Variants in PGBD2 observed in about 807,000 individuals in gnomAD.
PGBD2 encodes the protein piggyBac transposable element-derived protein 2.
A neutral mutation model predicts 8.1 loss-of-function variants in PGBD2; 6 were observed. The ratio of observed to expected loss-of-function variants is 0.74; its 90% confidence interval spans 0.40 to 1.46. The LOEUF is 1.46. PGBD2 is among the 40% of genes most tolerant of loss of function. The probability of loss-of-function intolerance (pLI) is 0.02; values close to 1 mark genes in which losing one functional copy is unlikely to be tolerated. For missense variants in PGBD2, 802 were observed against 739.0 expected, an observed-to-expected ratio of 1.09 and a Z score of -0.99; for synonymous variants, 318 against 272.2, an observed-to-expected ratio of 1.17 and a Z score of -1.66.
chr1:248,906,898 C>T (rs561433254), intron 1 of PGBD2, among the ~76,000 whole-genome samples: 1 of 152,250 alleles, frequency 6.6e-6, no homozygotes, highest in East Asian at 1.9e-4. Context: ...CCACAAAAGC[C>T]ATTCTGAGCT....
chr1:248,874,943 T>TAGGC, the PGBD2 span, among the ~76,000 whole-genome samples: 1,489 of 150,636 alleles, frequency 9.9e-3, 22 homozygotes, highest in African/African-American at 0.034. Flanking sequence ...GATAGATAGA[T>TAGGC]AGATAGATAG....
chr1:248,883,416 C>G, the PGBD2 span, among the ~76,000 whole-genome samples: 835 of 152,032 alleles, frequency 5.5e-3, 4 homozygotes, highest in African/African-American at 0.019. Flanking sequence ...GCCACTGCAC[C>G]CGGTCCTTTG....
chr1:248,909,225 A>T (rs761829398), intron 1 of PGBD2, among the ~76,000 whole-genome samples: 4 of 152,018 alleles, frequency 2.6e-5, no homozygotes, highest in Admixed American at 6.6e-5. Context: ...ATGTGAGGGG[A>T]TGGAGGGCCT....
At chr1:248,891,234 G>C in the PGBD2 span, among the ~76,000 whole-genome samples, 1 of 152,186 alleles carries the variant, frequency 6.6e-6, no homozygotes, top group Non-Finnish European at 1.5e-5. Flanking sequence ...GTTCTCTCAA[G>C]GTGGGGCAGC....
the PGBD2 span, among the ~76,000 whole-genome samples, chr1:248,894,464 G>T: frequency 2.0e-5 from 3 of 152,072 alleles, no homozygotes; most frequent in African/African-American, 7.2e-5. Flanking sequence ...ACAAGACTCC[G>T]ATTACATGCT....
At chr1:248,887,101 A>G in the PGBD2 span, among the ~76,000 whole-genome samples, 1 of 151,550 alleles carries the variant, frequency 6.6e-6, no homozygotes, top group African/African-American at 2.4e-5. Flanking sequence ...ACTTATAGAA[A>G]AGTTACAAAA....
the PGBD2 span, among the ~76,000 whole-genome samples, chr1:248,891,128 A>G: frequency 6.6e-6 from 1 of 152,242 alleles, no homozygotes; most frequent in Non-Finnish European, 1.5e-5. Flanking sequence ...AAGTTATGCA[A>G]ACAAAATGTG....
At chr1:248,898,440 C>T in the PGBD2 span, among the ~76,000 whole-genome samples, 1 of 152,324 alleles carries the variant, frequency 6.6e-6, no homozygotes, top group Non-Finnish European at 1.5e-5. Flanking sequence ...AGGCGTGAGC[C>T]ACCGCACCTG....
At chr1:248,911,495 GAA>G (rs1421731128) in intron 1 of PGBD2, among the ~76,000 whole-genome samples, 3 of 147,298 alleles carry the variant, frequency 2.0e-5, no homozygotes, top group Non-Finnish European at 4.4e-5. Context: ...AGAACAAAAC[GAA>G]AAGTCTCCCA....
chr1:248,879,639 A>G, the PGBD2 span, among the ~76,000 whole-genome samples: 28 of 152,122 alleles, frequency 1.8e-4, no homozygotes, highest in Admixed American at 1.6e-3. Context: ...TGCTTAAGCA[A>G]TCTTCTCACT....
chr1:248,923,957 C>A (rs1262482757), downstream of PGBD2, among the ~76,000 whole-genome samples: 1 of 152,172 alleles, frequency 6.6e-6, no homozygotes, highest in Non-Finnish European at 1.5e-5. Context: ...GATGCAGCCC[C>A]CACTGGACAG....
chr1:248,874,903 G>GAGATAGATAGATAGAT, the PGBD2 span, among the ~76,000 whole-genome samples: 5 of 145,310 alleles, frequency 3.4e-5, no homozygotes, highest in Admixed American at 6.9e-5. Flanking sequence ...TAGGTAGATA[G>GAGATAGATAGATAGAT]AGATAGATAG....
chr1:248,917,133 G>C lies in PGBD2; in HGVS notation c.549G>C (p.Leu183Phe), dbSNP rs1662131360. The C allele has an allele frequency of 6.2e-7, 1 of 1,613,878 alleles. No homozygotes were observed. Among genetic ancestry groups the C allele is most frequent in the African/African-American group, 1.3e-5 (1 of 74,836 alleles). ...CGGCTCAGGAATTGAAGTGTGTTTT[G>C]GGCATTTTGATTTTAAGTGGGTACA... The part of the protein sequence containing the change: ...SLTAQELKCV[L>F]GILILSGYIS... The change falls in exon 3 of 3, where the codon TTG (leucine) becomes TTC (phenylalanine). Residue 183 changes from leucine to phenylalanine, a missense_variant. By Grantham distance (22) the Leu-to-Phe change is conservative (BLOSUM62 0). Transcript: ENST00000329291.
intron 1 of PGBD2, among the ~76,000 whole-genome samples, chr1:248,912,535 A>G (rs75734131): frequency 0.014 from 2,184 of 152,306 alleles, 56 homozygotes; most frequent in African/African-American, 0.05. Flanking sequence ...CTCTGCACTT[A>G]AGTGCTCACT....
the PGBD2 span, among the ~76,000 whole-genome samples, chr1:248,888,067 A>G: frequency 6.6e-6 from 1 of 152,196 alleles, no homozygotes. Flanking sequence ...AGCTGCATAC[A>G]TGTTGCTGCA....
chr1:248,903,086 C>G (rs987130633), upstream of PGBD2, among the ~76,000 whole-genome samples: 4 of 152,114 alleles, frequency 2.6e-5, no homozygotes, highest in African/African-American at 4.8e-5. Flanking sequence ...TGGTCTCAAA[C>G]TTCTGTGCTC....
At chr1:248,879,019 A>G in the PGBD2 span, among the ~76,000 whole-genome samples, 1 of 152,208 alleles carries the variant, frequency 6.6e-6, no homozygotes. Flanking sequence ...TACATTGCTC[A>G]CAATTAGCTA....
the PGBD2 span, among the ~76,000 whole-genome samples, chr1:248,887,600 G>A: frequency 2.0e-5 from 3 of 152,236 alleles, no homozygotes; most frequent in Admixed American, 6.5e-5. Flanking sequence ...TGATGGGAGC[G>A]AAACACACCA....
chr1:248,898,021 G>A, the PGBD2 span, among the ~76,000 whole-genome samples: 1 of 151,640 alleles, frequency 6.6e-6, no homozygotes, highest in Non-Finnish European at 1.5e-5. Context: ...CTCACTGGGT[G>A]GGGCCTCCCT....
Sources: gnomAD v4.1 joint callset for allele counts (sites outside exome capture counted in the v4.1 genomes callset) on GRCh38, gnomAD v4.1.1 for gene constraint, MANE v1.5 for transcripts, NCBI Gene and HGNC (gene_info 2026-07-23, HGNC 2026-07-21) for gene names.